IRF2: variants seen among roughly 807,000 people sequenced by gnomAD.
IRF2 encodes the protein interferon regulatory factor 2.
A neutral mutation model predicts 40.6 loss-of-function variants in IRF2; 15 were observed. The observed-to-expected ratio is 0.37, with a 90% CI of 0.25 to 0.57. IRF2 has a LOEUF of 0.57. Among genes scored for constraint, IRF2 ranks in the 20% least tolerant of loss-of-function variants. IRF2 has a pLI of 0.77. For synonymous variants in IRF2, 151 were observed against 165.5 expected (o/e 0.91, Z 0.67); for missense variants, 317 against 455.7 (o/e 0.70, Z 2.77).
chr4:184,425,974 CG>C (rs1737653873), intron 2 of IRF2, among the ~76,000 whole-genome samples: 4 of 114,288 alleles, frequency 3.5e-5, no homozygotes. Context: ...GGGCTCACTC[CG>C]GTTTTTGTTT....
At chr4:184,390,257 C>A (rs1481013989) in intron 8 of IRF2, among the ~76,000 whole-genome samples, 2 of 152,222 alleles carry the variant, frequency 1.3e-5, no homozygotes, top group African/African-American at 4.8e-5. Flanking sequence ...ATGGGGCACA[C>A]AACCAGCTCT....
intron 2 of IRF2, among the ~76,000 whole-genome samples, chr4:184,422,879 A>G (rs914108416): frequency 1.3e-5 from 2 of 152,226 alleles, no homozygotes; most frequent in Non-Finnish European, 2.9e-5. Context: ...CTGGAACTGG[A>G]CAGTGGTGAT....
chr4:184,426,483 A>G (rs1022284770), intron 2 of IRF2, among the ~76,000 whole-genome samples: 3 of 152,156 alleles, frequency 2.0e-5, no homozygotes, highest in African/African-American at 7.2e-5. Context: ...CCTCATTGGC[A>G]TCAGGGCCCA....
chr4:184,394,601 C>A (rs1736378284), intron 7 of IRF2, among the ~76,000 whole-genome samples: 1 of 152,188 alleles, frequency 6.6e-6, no homozygotes, highest in Non-Finnish European at 1.5e-5. Context: ...GGATTCAAAG[C>A]CTTTACTGAT....
At position 184,408,876 on chromosome 4, in the gene IRF2, T is replaced by C. The variant is rs1441579150; in HGVS notation, c.412-601A>G. On this transcript the variant is annotated intron_variant, in intron 5 of 8. Transcript: ENST00000393593. The surrounding 1 kb of genome is among the most constrained non-coding windows in gnomAD (Gnocchi z 4.9). ...AGCCGGGCAACCCCACACCATGGGC[T>C]TTACATAAATGCCCTTCAGGTGGCT... Among the ~76,000 whole-genome samples, 2 of 152,236 alleles carry C rather than the reference T, an allele frequency of 1.3e-5. No homozygotes were observed. The highest frequency in any genetic ancestry group is 2.9e-5 in the Non-Finnish European group (2 of 68,048).
At chr4:184,395,036 G>T (rs1736393375) in intron 7 of IRF2, among the ~76,000 whole-genome samples, 2 of 152,128 alleles carry the variant, frequency 1.3e-5, no homozygotes, top group Non-Finnish European at 2.9e-5. Flanking sequence ...ATACTACTGG[G>T]ATTATGATTC....
chr4:184,471,412 T>C (rs1194411196), intron 1 of IRF2, among the ~76,000 whole-genome samples: 1 of 152,234 alleles, frequency 6.6e-6, no homozygotes, highest in Non-Finnish European at 1.5e-5. Context: ...TGGCTTATAA[T>C]AGATGTTCTA....
intron 1 of IRF2, among the ~76,000 whole-genome samples, chr4:184,446,644 C>T (rs1465362186): frequency 6.6e-6 from 1 of 152,100 alleles, no homozygotes; most frequent in Non-Finnish European, 1.5e-5. Context: ...AATAGGAGGA[C>T]TTGATTTGAA....
At position 184,457,361 on chromosome 4, in the gene IRF2, G is replaced by A. The variant is rs77285273; in HGVS notation, c.-7+17018C>T. ...TCGCCCAGCCCTTCTGTGGCCCGGC[G>A]TGACGTCACTCGGAAGACCTGGGGA... On this transcript the variant is annotated intron_variant, in intron 1 of 8. Transcript: ENST00000393593. Among the ~76,000 whole-genome samples, 896 of 152,270 alleles carry A rather than the reference G, an allele frequency of 5.9e-3. 13 individuals carry two copies. The highest frequency in any genetic ancestry group is 0.021 in the African/African-American group (853 of 41,550).
intron 1 of IRF2, among the ~76,000 whole-genome samples, chr4:184,458,857 C>T (rs893866000): frequency 2.6e-5 from 4 of 152,184 alleles, no homozygotes; most frequent in African/African-American, 4.8e-5. Flanking sequence ...TCTTTATCTA[C>T]TATGGCTCTT....
intron 2 of IRF2, among the ~76,000 whole-genome samples, chr4:184,421,423 T>C (rs1423778658): frequency 6.6e-6 from 1 of 152,216 alleles, no homozygotes; most frequent in African/African-American, 2.4e-5. Context: ...AGAAAGGGGC[T>C]GAGTGACATT....
At chr4:184,392,054 G>A (rs999305986) in intron 7 of IRF2, among the ~76,000 whole-genome samples, 12 of 152,174 alleles carry the variant, frequency 7.9e-5, no homozygotes, top group African/African-American at 2.9e-4. Flanking sequence ...CATGACCTAT[G>A]CTTATAAAAA....
Position 184,415,491 on chromosome 4 carries a change from C to T in IRF2, c.411+2676G>A, listed in dbSNP as rs537680848. 9.8e-5 allele frequency among the ~76,000 whole-genome samples: 15 copies of T among 152,316 alleles called. No individual in the cohort carries two copies. In the East Asian group the frequency reaches 1.9e-3, roughly 20 times the overall value. On this transcript the variant is annotated intron_variant, in intron 5 of 8. Transcript: ENST00000393593. Reference sequence around the variant, plus strand: ...TGTGGCTGTAGAGATCCCAGACAAACGGGACCACCACATGGCATGAACTAC... The same window carrying T: ...TGTGGCTGTAGAGATCCCAGACAAATGGGACCACCACATGGCATGAACTAC...
chr4:184,451,336 A>G (rs546329144), intron 1 of IRF2, among the ~76,000 whole-genome samples: 23 of 152,338 alleles, frequency 1.5e-4, no homozygotes, highest in Admixed American at 1.3e-3. Context: ...TTGCTTCACA[A>G]AATTGTTCTC....
chr4:184,402,429 G>A (rs1237496176), intron 6 of IRF2, among the ~76,000 whole-genome samples: 1 of 152,158 alleles, frequency 6.6e-6, no homozygotes, highest in South Asian at 2.1e-4. Flanking sequence ...ACGATGGGCC[G>A]CGACCTTGTG....
At chr4:184,428,251 T>G (rs918591850) in intron 2 of IRF2, among the ~76,000 whole-genome samples, 9 of 152,172 alleles carry the variant, frequency 5.9e-5, no homozygotes, top group Non-Finnish European at 1.2e-4. Flanking sequence ...AAACAAGCTT[T>G]CTTTAAACAG....
At chr4:184,428,300 A>T (rs58529169) in intron 2 of IRF2, among the ~76,000 whole-genome samples, 16,459 of 152,156 alleles carry the variant, frequency 0.11, 1,089 homozygotes, top group South Asian at 0.15. Context: ...CTAATATAAA[A>T]CCCTGGAGTT....
intron 1 of IRF2, among the ~76,000 whole-genome samples, chr4:184,464,538 CT>C (rs987431605): frequency 1.3e-5 from 2 of 152,172 alleles, no homozygotes; most frequent in Non-Finnish European, 2.9e-5. Flanking sequence ...CTCACTTCCC[CT>C]ACAAACATTT....
At chr4:184,430,391 G>A (rs776986822) in intron 1 of IRF2, among the ~76,000 whole-genome samples, 34 of 143,380 alleles carry the variant, frequency 2.4e-4, no homozygotes, top group Non-Finnish European at 3.1e-4. Flanking sequence ...CTCCTGCTCC[G>A]TGCTCATCCC....
Sources: gnomAD v4.1 joint callset for allele counts (sites outside exome capture counted in the v4.1 genomes callset) on GRCh38, gnomAD v4.1.1 for gene constraint, Gnocchi (gnomAD v3.1) non-coding constraint, MANE v1.5 for transcripts, NCBI Gene and HGNC (gene_info 2026-07-23, HGNC 2026-07-21) for gene names.